Variants in PCDHA4 observed in about 807,000 individuals in gnomAD.
The protein encoded by PCDHA4 is protocadherin alpha-4.
Under a neutral mutation model 61.4 loss-of-function variants are expected in PCDHA4, and 49 were observed. The observed-to-expected ratio is 0.80, with a 90% CI of 0.63 to 1.01. PCDHA4 has a LOEUF of 1.01. PCDHA4 is among the 50% of genes least tolerant of loss of function. The probability of loss-of-function intolerance (pLI) is 0.00; values close to 1 mark genes in which losing one functional copy is unlikely to be tolerated. For synonymous variants in PCDHA4, 590 were observed against 550.3 expected (o/e 1.07, Z -1.01); for missense variants, 1,254 against 1,235.8 (o/e 1.01, Z -0.22).
At position 140,857,752 on chromosome 5, in the gene PCDHA4, C is replaced by G. The variant is rs7725388; in HGVS notation, c.2385+48180C>G. ...ACGCTCCCGCGCTGCTGGCGTCTCCCGCTGGCAGCGCGGGCGGTGCAGTCA... is the reference window on the plus strand; with the variant it reads ...ACGCTCCCGCGCTGCTGGCGTCTCCGGCTGGCAGCGCGGGCGGTGCAGTCA... On this transcript the variant is annotated intron_variant, in intron 1 of 3. Transcript: ENST00000530339. The G allele has an allele frequency of 4.5e-3, 7,184 of 1,597,166 alleles. 625 individuals are homozygous for G. The African/African-American group carries it at 0.078, about 17-fold the overall frequency.
At chr5:140,834,488 C>G in intron 1 of PCDHA4, 1 of 1,614,154 alleles carries the variant, frequency 6.2e-7, no homozygotes. Flanking sequence ...ACTACTCGGT[C>G]CCCGAGGAGG....
chr5:140,844,871 C>A (rs1779583904), intron 1 of PCDHA4, among the ~76,000 whole-genome samples: 2 of 149,246 alleles, frequency 1.3e-5, no homozygotes, highest in African/African-American at 4.9e-5. Context: ...ATATTAAATA[C>A]CCATTAGACT....
intron 1 of PCDHA4, among the ~76,000 whole-genome samples, chr5:140,938,866 G>A (rs1372323218): frequency 2.6e-5 from 4 of 152,040 alleles, no homozygotes; most frequent in African/African-American, 9.7e-5. Context: ...GAACTTAAAA[G>A]TTAAGAAGCA....
At chr5:140,876,921 C>T (rs1554169105) in intron 1 of PCDHA4, 13 of 1,613,926 alleles carry the variant, frequency 8.1e-6, no homozygotes, top group East Asian at 4.5e-5. Context: ...GGGACGCGGA[C>T]GCGCAGAAGA....
In PCDHA4 at chr5:140,850,628, G is replaced by A. The variant is rs2150491387; in HGVS notation, c.2385+41056G>A. The stretch of plus-strand genomic sequence containing the variant: ...CCATCTGCGCGGTGTCTAGCCTGTT[G>A]GTTCTCACGCTGCTGCTGTACACTG... On this transcript the variant is annotated intron_variant, in intron 1 of 3. Coordinates refer to ENST00000530339, the MANE Select transcript of PCDHA4 (RefSeq NM_018907.4). 2.4e-5 allele frequency: 38 copies of A among 1,598,590 alleles called. 4 individuals carry two copies. In the Middle Eastern group the frequency reaches 1.3e-3, roughly 56 times the overall value.
At chr5:140,966,998 C>A in intron 1 of PCDHA4, 1 of 1,604,774 alleles carries the variant, frequency 6.2e-7, no homozygotes, top group Non-Finnish European at 8.5e-7. Flanking sequence ...GGGTTGCTTG[C>A]GCATCAACCA....
At chr5:140,989,174 G>T (rs1305141291) in intron 3 of PCDHA4, among the ~76,000 whole-genome samples, 3 of 152,132 alleles carry the variant, frequency 2.0e-5, no homozygotes, top group Non-Finnish European at 4.4e-5. Flanking sequence ...TAAAACAGGA[G>T]AGTTTCTGAA....
chr5:140,944,623 T>A (rs535315515), intron 1 of PCDHA4, among the ~76,000 whole-genome samples: 62 of 152,320 alleles, frequency 4.1e-4, no homozygotes, highest in Non-Finnish European at 7.3e-4. Context: ...AGAAGTATAG[T>A]GTTGTAAGCC....
chr5:140,969,529 T>C, intron 1 of PCDHA4: 1 of 1,377,800 alleles, frequency 7.3e-7, no homozygotes, highest in Non-Finnish European at 9.7e-7. Flanking sequence ...GTTTTATTTT[T>C]CATTTTCAGA....
chr5:140,888,945 T>G (rs2062037344), intron 1 of PCDHA4, among the ~76,000 whole-genome samples: 1 of 152,102 alleles, frequency 6.6e-6, no homozygotes, highest in African/African-American at 2.4e-5. Context: ...GAGGTATAAA[T>G]TTTTTCTTTG....
At chr5:140,857,677 T>A (rs377237803) in intron 1 of PCDHA4, 6 of 1,596,766 alleles carry the variant, frequency 3.8e-6, no homozygotes, top group Non-Finnish European at 4.3e-6. Flanking sequence ...GCGTGCCGCC[T>A]CTGGGCAGCA....
intron 1 of PCDHA4, chr5:140,883,514 G>C (rs2059648914): frequency 1.2e-6 from 2 of 1,614,220 alleles, no homozygotes; most frequent in Non-Finnish European, 1.7e-6. Context: ...CCTGGACCGC[G>C]AGAGCGTATC....
At chr5:140,810,169 G>A (rs1161211119) in intron 1 of PCDHA4, 1 of 152,360 alleles carries the variant, frequency 6.6e-6, no homozygotes, top group East Asian at 1.9e-4. Context: ...GTTGTTATAT[G>A]TAGTTGTAGT....
intron 1 of PCDHA4, chr5:140,882,788 C>G: frequency 6.2e-7 from 1 of 1,614,216 alleles, no homozygotes; most frequent in Non-Finnish European, 8.5e-7. Flanking sequence ...CCGACTGGAT[C>G]CCAACGATTA....
In PCDHA4 at chr5:140,946,631, T is replaced by TATATATATATATACAC. The variant is rs57893927; in HGVS notation, c.2386-32317_2386-32316insTATATATATATACACA. ...TGTGAAATATATATATATATATATA[T>TATATATATATATACAC]ACAATGGAATACTCATCAGCCATTA... On this transcript the variant is annotated intron_variant, in intron 1 of 3. Coordinates refer to ENST00000530339, the MANE Select transcript of PCDHA4 (RefSeq NM_018907.4). Among the ~76,000 whole-genome samples the TATATATATATATACAC allele has an allele frequency of 4.3e-4, 57 of 131,850 alleles. 1 individual carries two copies. Among genetic ancestry groups the TATATATATATATACAC allele is most frequent in the East Asian group, 1.6e-3 (8 of 4,866 alleles). The allele number at this position is 131,850 out of a possible 152,430, so 86.5% of individuals were successfully genotyped here.
chr5:140,988,751 T>C (rs1433769306), intron 3 of PCDHA4, among the ~76,000 whole-genome samples: 2 of 152,198 alleles, frequency 1.3e-5, no homozygotes, highest in Non-Finnish European at 2.9e-5. Flanking sequence ...ATTGGTGGCC[T>C]GGGCAGAATA....
chr5:140,987,898 A>T (rs1394668777), intron 3 of PCDHA4, among the ~76,000 whole-genome samples: 1 of 152,092 alleles, frequency 6.6e-6, no homozygotes, highest in Non-Finnish European at 1.5e-5. Context: ...CCCTAGTTTT[A>T]TATGGGGATT....
chr5:140,840,206 A>G (rs1171433900), intron 1 of PCDHA4, among the ~76,000 whole-genome samples: 1 of 152,080 alleles, frequency 6.6e-6, no homozygotes, highest in African/African-American at 2.4e-5. Flanking sequence ...AAAAGAAGTC[A>G]TAAAAATACA....
intron 1 of PCDHA4, chr5:140,827,983 T>C (rs1358516042): frequency 1.4e-6 from 2 of 1,436,802 alleles, no homozygotes; most frequent in Non-Finnish European, 1.9e-6. Context: ...TCCCTGACTG[T>C]TGAATGATGG....
Sources: allele counts gnomAD v4.1 joint callset (sites outside exome capture counted in the v4.1 genomes callset), GRCh38; gene constraint gnomAD v4.1.1; transcripts MANE v1.5; gene names NCBI Gene and HGNC (gene_info 2026-07-23, HGNC 2026-07-21).